CHRM3: variants seen among roughly 807,000 people sequenced by gnomAD.
CHRM3 encodes the protein muscarinic acetylcholine receptor M3.
CHRM3 carries 11 observed loss-of-function variants against 41.8 expected under a neutral mutation model. The observed-to-expected ratio is 0.26, with a 90% confidence interval of 0.17 to 0.44. The LOEUF (loss-of-function observed/expected upper bound fraction) is 0.44. Among genes scored for constraint, CHRM3 ranks in the 20% least tolerant of loss-of-function variants. The pLI is 1.00. For missense variants in CHRM3, 571 were observed against 745.4 expected, an observed-to-expected ratio of 0.77 and a Z score of 2.72; for synonymous variants, 297 against 301.4, an observed-to-expected ratio of 0.99 and a Z score of 0.15.
At chr1:239,820,374 G>A (rs534272388) in intron 5 of CHRM3, among the ~76,000 whole-genome samples, 3 of 152,104 alleles carry the variant, frequency 2.0e-5, no homozygotes, top group Non-Finnish European at 4.4e-5. Context: ...AGTCTGTTGG[G>A]GCCACAGAGC....
intron 3 of CHRM3, among the ~76,000 whole-genome samples, chr1:239,602,117 T>TATATATATATATATATATAC (rs1665655853): frequency 7.0e-6 from 1 of 142,354 alleles, no homozygotes; most frequent in African/African-American, 2.8e-5. Flanking sequence ...TGTGTATATA[T>TATATATATATATATATATAC]ATATATATAT....
intron 5 of CHRM3, among the ~76,000 whole-genome samples, chr1:239,800,559 T>A (rs1300787978): frequency 2.6e-5 from 4 of 152,216 alleles, no homozygotes; most frequent in Non-Finnish European, 4.4e-5. Flanking sequence ...CCCAGAACAG[T>A]TCTGAGCCTG....
intron 5 of CHRM3, among the ~76,000 whole-genome samples, chr1:239,788,796 G>A (rs937310283): frequency 6.6e-6 from 1 of 151,626 alleles, no homozygotes; most frequent in Admixed American, 6.6e-5. Context: ...AAACAAACAA[G>A]TGATAACCCT....
intron 2 of CHRM3, among the ~76,000 whole-genome samples, chr1:239,536,319 C>T (rs529138247): frequency 2.6e-5 from 4 of 152,274 alleles, no homozygotes; most frequent in East Asian, 1.9e-4. Context: ...GACACGGTTA[C>T]AAGTACTCTC....
At chr1:239,401,532 C>T (rs1284125514) in intron 1 of CHRM3, among the ~76,000 whole-genome samples, 2 of 151,702 alleles carry the variant, frequency 1.3e-5, no homozygotes, top group East Asian at 3.9e-4. Flanking sequence ...GTCTCTGTTG[C>T]CAGGCTGGAG....
At chr1:239,771,678 C>T (rs1667687799) in intron 5 of CHRM3, among the ~76,000 whole-genome samples, 1 of 152,166 alleles carries the variant, frequency 6.6e-6, no homozygotes, top group East Asian at 1.9e-4. Context: ...GCTTTGAGGG[C>T]CATGCAGCCT....
intron 3 of CHRM3, among the ~76,000 whole-genome samples, chr1:239,556,629 C>CTAATACTAAGCCTGT (rs1467205671): frequency 6.6e-5 from 10 of 152,162 alleles, no homozygotes; most frequent in Admixed American, 2.0e-4. Context: ...TCCGATACTT[C>CTAATACTAAGCCTGT]TAATACTAAG....
At chr1:239,403,948 AGAGG>A (rs1470821514) in intron 1 of CHRM3, among the ~76,000 whole-genome samples, 12 of 111,106 alleles carry the variant, frequency 1.1e-4, no homozygotes, top group African/African-American at 3.5e-4. Context: ...GGGGAGAGAG[AGAGG>A]GAGGGAGGGA....
At chr1:239,504,044 A>C (rs1572527595) in intron 2 of CHRM3, among the ~76,000 whole-genome samples, 1 of 152,286 alleles carries the variant, frequency 6.6e-6, no homozygotes, top group East Asian at 1.9e-4. Flanking sequence ...AGCAAATTCA[A>C]TAAAAACAAA....
intron 4 of CHRM3, among the ~76,000 whole-genome samples, chr1:239,649,484 ATTCAG>A (rs60117137): frequency 0.27 from 41,065 of 151,930 alleles, 5,656 homozygotes; most frequent in Admixed American, 0.3. Flanking sequence ...CAGAATTGGA[ATTCAG>A]GAATTCGAGG....
At chr1:239,567,944 T>C (rs1661500829) in intron 3 of CHRM3, among the ~76,000 whole-genome samples, 1 of 152,210 alleles carries the variant, frequency 6.6e-6, no homozygotes. Context: ...CAATAAGGTC[T>C]GCACTTTGTC....
At chr1:239,421,708 A>G (rs1425787785) in intron 1 of CHRM3, among the ~76,000 whole-genome samples, 1 of 152,162 alleles carries the variant, frequency 6.6e-6, no homozygotes, top group East Asian at 1.9e-4. Flanking sequence ...TTTTACTCAG[A>G]TATTCCAACC....
intron 5 of CHRM3, among the ~76,000 whole-genome samples, chr1:239,711,221 T>C (rs962565209): frequency 2.0e-5 from 3 of 152,158 alleles, no homozygotes; most frequent in Non-Finnish European, 2.9e-5. Flanking sequence ...GGATTGTGTC[T>C]GTAACCCCAA....
intron 5 of CHRM3, among the ~76,000 whole-genome samples, chr1:239,687,831 A>G (rs752135682): frequency 2.2e-4 from 34 of 152,160 alleles, no homozygotes; most frequent in South Asian, 4.1e-4. Context: ...CCTAGGAGCA[A>G]TGGGCTATCC....
chr1:239,644,823 AAG>A (rs1350779385), intron 4 of CHRM3, among the ~76,000 whole-genome samples: 1 of 152,182 alleles, frequency 6.6e-6, no homozygotes, highest in Non-Finnish European at 1.5e-5. Flanking sequence ...CTTGAGTAAC[AAG>A]ACTGTGATAC....
At chr1:239,411,951 A>C (rs1014971697) in intron 1 of CHRM3, among the ~76,000 whole-genome samples, 5 of 151,822 alleles carry the variant, frequency 3.3e-5, no homozygotes, top group Admixed American at 2.6e-4. Flanking sequence ...TCTAAATAGC[A>C]GGCATAGACT....
At chr1:239,796,246 T>C (rs565798154) in intron 5 of CHRM3, among the ~76,000 whole-genome samples, 1 of 152,104 alleles carries the variant, frequency 6.6e-6, no homozygotes, top group South Asian at 2.1e-4. Context: ...GTCTTTTCCA[T>C]TAGAGCTCAA....
intron 2 of CHRM3, among the ~76,000 whole-genome samples, chr1:239,532,974 A>T (rs1657805511): frequency 6.6e-6 from 1 of 152,180 alleles, no homozygotes; most frequent in Admixed American, 6.5e-5. Flanking sequence ...CAATTAAATA[A>T]TTTTAAAGCA....
intron 3 of CHRM3, among the ~76,000 whole-genome samples, chr1:239,631,869 C>CTT (rs1480280697): frequency 6.6e-6 from 1 of 152,212 alleles, no homozygotes; most frequent in East Asian, 1.9e-4. Flanking sequence ...GCAATCATCA[C>CTT]TTACATGCAA....
Sources: gnomAD v4.1 joint callset for allele counts (sites outside exome capture counted in the v4.1 genomes callset) on GRCh38, gnomAD v4.1.1 for gene constraint, MANE v1.5 for transcripts, NCBI Gene and HGNC (gene_info 2026-07-23, HGNC 2026-07-21) for gene names.